CNTN5: variants seen among roughly 807,000 people sequenced by gnomAD.
CNTN5 encodes contactin-5.
A neutral mutation model predicts 129.1 loss-of-function variants in CNTN5; 77 were observed. The observed-to-expected ratio is 0.60, with a 90% CI of 0.50 to 0.72. The LOEUF is 0.72. Ranked by LOEUF, CNTN5 falls within the 30% of genes least tolerant of loss-of-function variation. The pLI, the probability that CNTN5 is intolerant of heterozygous loss-of-function variation, is 0.00. For missense variants in CNTN5, 1,478 were observed against 1,328.8 expected, an observed-to-expected ratio of 1.11 and a Z score of -1.75; for synonymous variants, 509 against 465.6, an observed-to-expected ratio of 1.09 and a Z score of -1.20.
chr11:100,287,364 C>T lies in CNTN5; in HGVS notation c.2315-10261C>T, dbSNP rs1279915686. ...GTTAAGGGCAGCCAGAGAGAAAGGT[C>T]GGGTTACCCTCAAAGGGAAGCCCAT... On this transcript the variant is annotated intron_variant, in intron 18 of 24. Transcript: ENST00000524871. Among the ~76,000 whole-genome samples, 12 of 150,686 alleles carry T rather than the reference C, an allele frequency of 8.0e-5. No individual in the cohort carries two copies. The South Asian group carries it at 2.3e-3, about 29-fold the overall frequency.
chr11:99,621,059 A>G (rs76632605), intron 3 of CNTN5, among the ~76,000 whole-genome samples: 1,630 of 152,236 alleles, frequency 0.011, 35 homozygotes, highest in African/African-American at 0.036. Flanking sequence ...ACCTGCATGG[A>G]GTACGGCGTC....
chr11:99,376,783 T>C (rs1478416888), intron 2 of CNTN5, among the ~76,000 whole-genome samples: 1 of 152,148 alleles, frequency 6.6e-6, no homozygotes, highest in Non-Finnish European at 1.5e-5. Flanking sequence ...AAATAGCACC[T>C]GGAATATGGT....
chr11:100,147,836 G>A (rs1946906671), intron 13 of CNTN5, among the ~76,000 whole-genome samples: 1 of 151,990 alleles, frequency 6.6e-6, no homozygotes. Context: ...AGCCTTGCCA[G>A]GATTACAATC....
At chr11:99,943,667 G>T (rs1397884698) in intron 7 of CNTN5, among the ~76,000 whole-genome samples, 3 of 152,070 alleles carry the variant, frequency 2.0e-5, no homozygotes, top group Non-Finnish European at 4.4e-5. Context: ...ATGGTTTAAG[G>T]TTTTATGTTT....
intron 3 of CNTN5, among the ~76,000 whole-genome samples, chr11:99,576,539 A>G (rs1050312688): frequency 1.1e-4 from 17 of 152,234 alleles, no homozygotes; most frequent in African/African-American, 3.9e-4. Flanking sequence ...CAGACACTGT[A>G]GATAAACCAG....
chr11:100,286,688 A>C (rs1219760179), intron 18 of CNTN5, among the ~76,000 whole-genome samples: 3 of 150,212 alleles, frequency 2.0e-5, no homozygotes, highest in Middle Eastern at 3.4e-3. Flanking sequence ...AAACTCTAAA[A>C]AGCAGAGTGC....
intron 3 of CNTN5, among the ~76,000 whole-genome samples, chr11:99,616,063 T>C (rs1166361608): frequency 6.6e-6 from 1 of 152,176 alleles, no homozygotes; most frequent in African/African-American, 2.4e-5. Context: ...ACACCTGTTC[T>C]GTATACACTT....
At chr11:99,403,407 G>T (rs957389720) in intron 2 of CNTN5, among the ~76,000 whole-genome samples, 1 of 151,616 alleles carries the variant, frequency 6.6e-6, no homozygotes, top group African/African-American at 2.4e-5. Flanking sequence ...ATTTTGGGTG[G>T]GTTTACTCTT....
At chr11:99,923,732 ATCTG>A (rs1475366030) in intron 7 of CNTN5, among the ~76,000 whole-genome samples, 6 of 149,036 alleles carry the variant, frequency 4.0e-5, no homozygotes, top group South Asian at 2.1e-4. Context: ...CCTCACCAAT[ATCTG>A]TCTATCTAAT....
At chr11:99,359,839 A>C (rs1201914001) in intron 2 of CNTN5, among the ~76,000 whole-genome samples, 1 of 152,056 alleles carries the variant, frequency 6.6e-6, no homozygotes, top group African/African-American at 2.4e-5. Flanking sequence ...CTATTCCAAA[A>C]GGAGGAAATC....
chr11:100,009,174 A>G (rs1940369263), intron 9 of CNTN5, among the ~76,000 whole-genome samples: 1 of 152,082 alleles, frequency 6.6e-6, no homozygotes, highest in Non-Finnish European at 1.5e-5. Flanking sequence ...CTTTCTCCTA[A>G]AGAAACCTCT....
At chr11:99,658,888 C>A (rs372357155) in intron 3 of CNTN5, among the ~76,000 whole-genome samples, 56 of 119,162 alleles carry the variant, frequency 4.7e-4, no homozygotes, top group South Asian at 6.1e-4. Context: ...AACTCTGTCT[C>A]AAAAAAAAAA....
chr11:99,073,414 A>T (rs1865425903), intron 1 of CNTN5, among the ~76,000 whole-genome samples: 4 of 120,788 alleles, frequency 3.3e-5, no homozygotes, highest in Admixed American at 1.0e-4. Flanking sequence ...AAGTTCTAGG[A>T]TACCTGTGCT....
chr11:100,079,708 A>G (rs1360089866), intron 13 of CNTN5, among the ~76,000 whole-genome samples: 1 of 152,130 alleles, frequency 6.6e-6, no homozygotes, highest in African/African-American at 2.4e-5. Flanking sequence ...ACTTTTGAAG[A>G]TTACTGGCAC....
intron 8 of CNTN5, among the ~76,000 whole-genome samples, chr11:99,972,085 T>TAAAAAAAAAA (rs71050038): frequency 1.1e-5 from 1 of 92,228 alleles, no homozygotes; most frequent in African/African-American, 4.2e-5. Flanking sequence ...TTATCTCTAT[T>TAAAAAAAAAA]AAAAAAAAAA....
intron 2 of CNTN5, among the ~76,000 whole-genome samples, chr11:99,540,316 ATTATT>A (rs1490089506): frequency 6.6e-6 from 1 of 152,174 alleles, no homozygotes; most frequent in Admixed American, 6.6e-5. Flanking sequence ...GGATTTTGTT[ATTATT>A]TTCTTTGCTT....
chr11:99,951,269 A>G (rs1950666788), intron 7 of CNTN5, among the ~76,000 whole-genome samples: 2 of 44,684 alleles, frequency 4.5e-5, no homozygotes, highest in African/African-American at 9.6e-5. Flanking sequence ...AGAACTAGGT[A>G]AAAAAAAAAA....
At chr11:99,997,635 A>G (rs528755570) in intron 8 of CNTN5, among the ~76,000 whole-genome samples, 1 of 152,254 alleles carries the variant, frequency 6.6e-6, no homozygotes, top group South Asian at 2.1e-4. Flanking sequence ...AAAAGAGGGA[A>G]TCCTCCCTAA....
chr11:99,896,240 GC>G (rs1241894125), intron 6 of CNTN5, among the ~76,000 whole-genome samples: 5 of 152,238 alleles, frequency 3.3e-5, no homozygotes, highest in Middle Eastern at 3.4e-3. Context: ...ACTGCTCTCT[GC>G]CAAACAGGGC....
Sources: allele counts gnomAD v4.1 joint callset (sites outside exome capture counted in the v4.1 genomes callset), GRCh38; gene constraint gnomAD v4.1.1; transcripts MANE v1.5; gene names NCBI Gene and HGNC (gene_info 2026-07-23, HGNC 2026-07-21).